Variants in PRIM2 observed in about 807,000 individuals in gnomAD.
The protein encoded by PRIM2 is DNA primase subunit 2, also known as DNA primase large subunit.
A neutral mutation model predicts 67.3 loss-of-function variants in PRIM2; 39 were observed. The ratio of observed to expected loss-of-function variants is 0.58; its 90% CI spans 0.45 to 0.76. The LOEUF (loss-of-function observed/expected upper bound fraction) is 0.76, where lower values mean the gene tolerates loss of function less well. PRIM2 is among the 30% of genes least tolerant of loss of function. The pLI is 0.00. For synonymous variants in PRIM2, 143 were observed against 198.7 expected, an observed-to-expected ratio of 0.72 and a Z score of 2.36; for missense variants, 398 against 598.7, an observed-to-expected ratio of 0.66 and a Z score of 3.50.
chr6:57,554,427 G>GA (rs1357989948), intron 10 of PRIM2, among the ~76,000 whole-genome samples: 1 of 147,932 alleles, frequency 6.8e-6, no homozygotes, highest in African/African-American at 2.5e-5. Flanking sequence ...CAACTAGTTG[G>GA]AATTAATTTT....
chr6:57,606,396 A>T lies in PRIM2; in HGVS notation c.1169A>T (p.Asp390Val), dbSNP rs1776563039. ...DYHGCPFRHSDPELLKQKLQS... is the reference protein window; with the variant it reads ...DYHGCPFRHSVPELLKQKLQS... Reference sequence around the variant, plus strand: ...TCAGGGTGCCCATTCCGTCACAGTGATCCAGAGCTGCTGAAGCAAAAGTTG... The same window carrying T: ...TCAGGGTGCCCATTCCGTCACAGTGTTCCAGAGCTGCTGAAGCAAAAGTTG... Residue 390 changes from aspartate to valine, a missense_variant, in exon 12 of 14, where the codon GAT becomes GTT. By Grantham distance (152) the Asp-to-Val change is radical. Around this residue, in one of 4 missense-constraint regions of PRIM2, gnomAD observed 229 missense variants for 383.6 expected, o/e 0.60. Transcript: ENST00000615550. 4 of 1,598,394 alleles carry T rather than the reference A, an allele frequency of 2.5e-6. No homozygotes were observed. Among genetic ancestry groups the T allele is most frequent in the African/African-American group, 2.7e-5 (2 of 74,578 alleles).
At chr6:57,335,413 A>C (rs887477216) in intron 5 of PRIM2, among the ~76,000 whole-genome samples, 6 of 152,222 alleles carry the variant, frequency 3.9e-5, no homozygotes, top group African/African-American at 1.4e-4. Context: ...GGGGCAGGGC[A>C]CAGACAAACA....
chr6:57,385,006 A>G (rs1488971045), intron 7 of PRIM2, among the ~76,000 whole-genome samples: 2 of 152,226 alleles, frequency 1.3e-5, no homozygotes, highest in East Asian at 3.8e-4. Context: ...AAAATTTTAC[A>G]TTTGCCACAC....
At chr6:57,441,693 T>C (rs1034871412) in intron 7 of PRIM2, among the ~76,000 whole-genome samples, 2 of 152,226 alleles carry the variant, frequency 1.3e-5, no homozygotes, top group Non-Finnish European at 2.9e-5. Context: ...AAGCAGTTTG[T>C]CAAATAAATG....
chr6:57,504,929 A>G (rs1774221720), intron 7 of PRIM2, among the ~76,000 whole-genome samples: 1 of 152,234 alleles, frequency 6.6e-6, no homozygotes, highest in Non-Finnish European at 1.5e-5. Flanking sequence ...ATTTTTATCA[A>G]TTAATGAAAT....
At chr6:57,303,392 A>G in the PRIM2 span, among the ~76,000 whole-genome samples, 77 of 152,272 alleles carry the variant, frequency 5.1e-4, no homozygotes, top group African/African-American at 1.8e-3. Context: ...ATCCACTACA[A>G]TTTATTGGTG....
intron 11 of PRIM2, among the ~76,000 whole-genome samples, chr6:57,603,658 A>C (rs1175998381): frequency 6.6e-6 from 1 of 151,884 alleles, no homozygotes; most frequent in African/African-American, 2.4e-5. Context: ...TGCTTTGGTC[A>C]TTTAGACTCT....
At chr6:57,501,542 C>T (rs1477778883) in intron 7 of PRIM2, among the ~76,000 whole-genome samples, 1 of 152,116 alleles carries the variant, frequency 6.6e-6, no homozygotes, top group Admixed American at 6.5e-5. Flanking sequence ...TCAGGTGATC[C>T]ACTCGCCTCA....
chr6:57,642,896 CT>C (rs1460756114), intron 13 of PRIM2, among the ~76,000 whole-genome samples: 1 of 152,132 alleles, frequency 6.6e-6, no homozygotes, highest in Non-Finnish European at 1.5e-5. Flanking sequence ...GTTTGGATTC[CT>C]TAAAGTAGAA....
intron 5 of PRIM2, among the ~76,000 whole-genome samples, chr6:57,343,653 G>A (rs2127295598): frequency 6.6e-6 from 1 of 152,164 alleles, no homozygotes; most frequent in East Asian, 1.9e-4. Flanking sequence ...CTGAAGAAGA[G>A]TGAAGTGGGA....
intron 7 of PRIM2, among the ~76,000 whole-genome samples, chr6:57,438,834 G>T (rs1772099116): frequency 6.6e-6 from 1 of 151,470 alleles, no homozygotes; most frequent in Non-Finnish European, 1.5e-5. Context: ...GTGCAGTAGT[G>T]TGATCTCGGC....
intron 7 of PRIM2, among the ~76,000 whole-genome samples, chr6:57,465,645 C>A (rs1749884943): frequency 6.6e-6 from 1 of 152,124 alleles, no homozygotes; most frequent in Non-Finnish European, 1.5e-5. Context: ...GGTTAGTTAA[C>A]CTCTGTGTGC....
At chr6:57,429,938 T>A (rs1771762391) in intron 7 of PRIM2, among the ~76,000 whole-genome samples, 1 of 152,212 alleles carries the variant, frequency 6.6e-6, no homozygotes, top group Non-Finnish European at 1.5e-5. Context: ...TTGAACATCT[T>A]TTCATTTGCT....
intron 7 of PRIM2, among the ~76,000 whole-genome samples, chr6:57,387,268 G>T (rs1357972040): frequency 2.0e-5 from 3 of 152,110 alleles, no homozygotes; most frequent in Non-Finnish European, 4.4e-5. Flanking sequence ...GGCACATAGG[G>T]TTAGTGGTCA....
At chr6:57,503,092 A>C (rs1562778230) in intron 7 of PRIM2, among the ~76,000 whole-genome samples, 2 of 152,224 alleles carry the variant, frequency 1.3e-5, no homozygotes, top group South Asian at 4.1e-4. Flanking sequence ...TAAACCTTAC[A>C]TTCACTCTAC....
At chr6:57,277,772 A>G in the PRIM2 span, among the ~76,000 whole-genome samples, 1 of 151,986 alleles carries the variant, frequency 6.6e-6, no homozygotes, top group Non-Finnish European at 1.5e-5. Context: ...CAAGGTCAGG[A>G]GATCGAGACC....
chr6:57,632,880 C>T (rs1323552586), intron 13 of PRIM2, among the ~76,000 whole-genome samples: 19 of 152,162 alleles, frequency 1.2e-4, no homozygotes, highest in Admixed American at 9.2e-4. Flanking sequence ...CCTAACTATA[C>T]ACGAGTCAGG....
At chr6:57,519,731 A>T (rs1313374645) in intron 8 of PRIM2, among the ~76,000 whole-genome samples, 1 of 152,246 alleles carries the variant, frequency 6.6e-6, no homozygotes, top group Non-Finnish European at 1.5e-5. Context: ...ATTAAAGTAA[A>T]GACAGGCATA....
At chr6:57,454,028 G>A (rs1772660083) in intron 7 of PRIM2, among the ~76,000 whole-genome samples, 1 of 152,166 alleles carries the variant, frequency 6.6e-6, no homozygotes, top group Admixed American at 6.5e-5. Flanking sequence ...GGCCTTTTCT[G>A]CATCTATTGA....
Sources: allele counts gnomAD v4.1 joint callset (sites outside exome capture counted in the v4.1 genomes callset), GRCh38; gene constraint gnomAD v4.1.1; regional missense constraint gnomAD v4.1.1; transcripts MANE v1.5; gene names NCBI Gene and HGNC (gene_info 2026-07-23, HGNC 2026-07-21).